CHD6: variants seen among roughly 807,000 people sequenced by gnomAD.
CHD6 encodes ATP-dependent chromatin remodeler CHD6.
A neutral mutation model predicts 276.9 loss-of-function variants in CHD6; 50 were observed. The observed-to-expected ratio is 0.18, with a 90% CI of 0.14 to 0.23. The LOEUF is 0.23. Ranked by LOEUF, CHD6 falls within the 10% of genes least tolerant of loss-of-function variation. The pLI is 1.00. For missense variants in CHD6, 2,564 were observed against 3,365.8 expected (o/e 0.76, Z 5.89); for synonymous variants, 1,173 against 1,229.3 (o/e 0.95, Z 0.96).
Position 41,590,209 on chromosome 20 carries a change from G to T in CHD6, c.-24+28131C>A, listed in dbSNP as rs149196032. On this transcript the variant is annotated intron_variant, in intron 1 of 36. Coordinates refer to ENST00000373233, the MANE Select transcript of CHD6 (RefSeq NM_032221.5). ...CCTTCTTTACACCTTATACAAATAC[G>T]AATTCAAGATGGATTAAAGACTTAC... Among the ~76,000 whole-genome samples, 969 of 152,090 alleles carry T rather than the reference G, an allele frequency of 6.4e-3. 11 individuals are homozygous for T. The highest frequency in any genetic ancestry group is 0.024 in the Middle Eastern group (7 of 294).
At chr20:41,555,963 T>C (rs936716861) in intron 1 of CHD6, among the ~76,000 whole-genome samples, 112 of 152,246 alleles carry the variant, frequency 7.4e-4, no homozygotes, top group African/African-American at 2.3e-3. Context: ...CTGGGCACCA[T>C]TGAGCACTGA....
intron 4 of CHD6, among the ~76,000 whole-genome samples, chr20:41,513,664 T>C (rs1175164447): frequency 2.6e-5 from 4 of 152,168 alleles, no homozygotes; most frequent in African/African-American, 2.4e-5. Flanking sequence ...TTTCTACAAA[T>C]AGAGCAGCAT....
chr20:41,467,967 A>G (rs1259165331), intron 17 of CHD6, among the ~76,000 whole-genome samples: 2 of 151,758 alleles, frequency 1.3e-5, no homozygotes, highest in African/African-American at 4.8e-5. Flanking sequence ...ACATGGTCAT[A>G]CTCTTTGTTT....
intron 25 of CHD6, among the ~76,000 whole-genome samples, chr20:41,445,348 T>C (rs569637944): frequency 6.6e-6 from 1 of 152,360 alleles, no homozygotes; most frequent in East Asian, 1.9e-4. Context: ...GTGTCTACTA[T>C]GTGCCATGCA....
At chr20:41,478,711 T>C (rs570353923) in intron 16 of CHD6, among the ~76,000 whole-genome samples, 7 of 152,318 alleles carry the variant, frequency 4.6e-5, no homozygotes, top group Admixed American at 3.9e-4. Context: ...GGAACTACTG[T>C]CTACCAGACA....
chr20:41,516,178 T>C (rs1015738894), intron 3 of CHD6, among the ~76,000 whole-genome samples: 1 of 152,122 alleles, frequency 6.6e-6, no homozygotes, highest in Non-Finnish European at 1.5e-5. Flanking sequence ...ATTTTTTTTT[T>C]TTTTAGACGG....
At chr20:41,453,007 G>T in intron 20 of CHD6, 65 bp from the exon 21 acceptor site, 1 of 1,306,156 alleles carries the variant, frequency 7.7e-7, no homozygotes, top group Non-Finnish European at 1.1e-6. Flanking sequence ...CAAAGCATAA[G>T]TGTATCCTCA....
intron 1 of CHD6, among the ~76,000 whole-genome samples, chr20:41,591,215 G>C (rs1364070095): frequency 9.0e-6 from 1 of 111,360 alleles, no homozygotes. Flanking sequence ...CTGTTGTGGG[G>C]TGGGGGGAGG....
intron 1 of CHD6, among the ~76,000 whole-genome samples, chr20:41,553,476 A>T (rs2045175957): frequency 6.6e-6 from 1 of 152,126 alleles, no homozygotes; most frequent in Non-Finnish European, 1.5e-5. Flanking sequence ...GCTTCCTTAA[A>T]CCTTTCATAA....
intron 5 of CHD6, among the ~76,000 whole-genome samples, chr20:41,504,680 G>A (rs1056000782): frequency 2.6e-5 from 4 of 152,050 alleles, no homozygotes; most frequent in African/African-American, 7.2e-5. Context: ...AAAAGTGCTG[G>A]CATTATAGGC....
intron 14 of CHD6, chr20:41,485,653 T>C (rs1405394306): frequency 6.6e-6 from 1 of 151,462 alleles, no homozygotes; most frequent in Non-Finnish European, 1.5e-5. Flanking sequence ...AGACATCTCA[T>C]AGAGCAGAGA....
rs938356382 is a variant in CHD6 at position 41,484,467 on chromosome 20, G to A, written c.2142C>T (p.Ile714=). The A allele has an allele frequency of 6.2e-7, 1 of 1,613,712 alleles. No individual in the cohort carries two copies. The highest frequency in any genetic ancestry group is 1.3e-5 in the African/African-American group (1 of 74,860). The change falls in exon 15 of 37, where the codon ATC becomes ATT. Residue 714 remains isoleucine, a synonymous_variant. Transcript: ENST00000373233. ...TCAGGAAGGAAAAGTTCTTCTCGAG[G>A]ATGGCACGGTAGTACTTTTTCTGGA... ...TNIQKKYYRA[I]LEKNFSFLTK... is the part of the protein sequence containing the mutation.
At chr20:41,577,665 A>G (rs1305785627) in intron 1 of CHD6, among the ~76,000 whole-genome samples, 1 of 152,256 alleles carries the variant, frequency 6.6e-6, no homozygotes, top group Non-Finnish European at 1.5e-5. Context: ...ACAATAAACA[A>G]AACAAATATA....
intron 16 of CHD6, among the ~76,000 whole-genome samples, chr20:41,478,275 C>A (rs2043211190): frequency 6.6e-6 from 1 of 152,144 alleles, no homozygotes; most frequent in Non-Finnish European, 1.5e-5. Flanking sequence ...ATGAAACACA[C>A]AGCCTCTGCT....
At chr20:41,564,101 T>C in intron 1 of CHD6, 1 of 778,556 alleles carries the variant, frequency 1.3e-6, no homozygotes, top group South Asian at 1.3e-5. Flanking sequence ...TCTCAGTTTC[T>C]TCATTTACAG....
At chr20:41,592,214 CA>C (rs2045670459) in intron 1 of CHD6, among the ~76,000 whole-genome samples, 1 of 151,802 alleles carries the variant, frequency 6.6e-6, no homozygotes, top group South Asian at 2.1e-4. Context: ...AAAAACAAAA[CA>C]AAACAAAAAA....
intron 1 of CHD6, among the ~76,000 whole-genome samples, chr20:41,563,514 T>C (rs183233149): frequency 3.8e-4 from 58 of 152,286 alleles, no homozygotes; most frequent in Non-Finnish European, 5.6e-4. Context: ...GGCCAAACTC[T>C]TTGATTTCAG....
In CHD6 at chr20:41,505,581, T is replaced by C. The variant is rs141593228; in HGVS notation, c.853-6224A>G. Reference sequence around the variant, plus strand: ...TCTTACTGTCTGATATTTTAGTTCATCTAATTCTTGTTGTTTCCATAGCTA... The same window carrying C: ...TCTTACTGTCTGATATTTTAGTTCACCTAATTCTTGTTGTTTCCATAGCTA... On this transcript the variant is annotated intron_variant, in intron 5 of 36. Transcript: ENST00000373233. Among the ~76,000 whole-genome samples the C allele has an allele frequency of 2.2e-4, 34 of 152,328 alleles. No individual in the cohort carries two copies. The East Asian group carries it at 6.6e-3, about 29-fold the overall frequency.
chr20:41,463,395 A>G (rs2042846508), intron 17 of CHD6, among the ~76,000 whole-genome samples: 1 of 152,230 alleles, frequency 6.6e-6, no homozygotes, highest in Non-Finnish European at 1.5e-5. Flanking sequence ...TTATTTCTCC[A>G]AAATTACTTA....
Sources: allele counts gnomAD v4.1 joint callset (sites outside exome capture counted in the v4.1 genomes callset), GRCh38; gene constraint gnomAD v4.1.1; transcripts MANE v1.5; gene names NCBI Gene and HGNC (gene_info 2026-07-23, HGNC 2026-07-21).